ARMH3: variants seen among roughly 807,000 people sequenced by gnomAD.
ARMH3 encodes armadillo like helical domain containing 3.
In ARMH3, 60 loss-of-function variants were observed where a neutral mutation model predicts 99.1. That is an observed-to-expected ratio of 0.61 (90% CI 0.49 to 0.75). The LOEUF (loss-of-function observed/expected upper bound fraction) is 0.75, where lower values mean the gene tolerates loss of function less well. ARMH3 is among the 30% of genes least tolerant of loss of function. The pLI, the probability that ARMH3 is intolerant of heterozygous loss-of-function variation, is 0.00. For synonymous variants in ARMH3, 285 were observed against 292.8 expected (o/e 0.97, Z 0.27); for missense variants, 679 against 843.1 (o/e 0.81, Z 2.41).
At chr10:101,851,946 C>T (rs987603206) in intron 24 of ARMH3, among the ~76,000 whole-genome samples, 3 of 152,166 alleles carry the variant, frequency 2.0e-5, no homozygotes, top group Non-Finnish European at 2.9e-5. Flanking sequence ...CTCTCATGCA[C>T]GTGGGCTGCA....
chr10:101,945,477 G>C (rs1006286441), intron 22 of ARMH3, among the ~76,000 whole-genome samples: 5 of 152,024 alleles, frequency 3.3e-5, no homozygotes, highest in Non-Finnish European at 1.5e-5. Flanking sequence ...CAGCACTTTG[G>C]GAGGCTGAGG....
rs2066469760 is a variant in ARMH3, at chr10:101,846,456, A to T, written c.*1072T>A. 6.6e-6 allele frequency: 1 copy of T among 152,220 alleles called. No individual in the cohort carries two copies. Among genetic ancestry groups the T allele is most frequent in the South Asian group, 2.1e-4 (1 of 4,834 alleles). 9.4% of individuals were successfully genotyped at this position (152,220 alleles called of 1,614,324 possible). ...CAGAAAGCCTGTCAATGTTTATTTC[A>T]TACACACCCTAAAGACAGTAAAGCA... On this transcript the variant is annotated 3_prime_UTR_variant, in exon 26 of 26. Transcript: ENST00000370033.
At chr10:102,018,358 AGGCACT>A (rs2136140786) in intron 8 of ARMH3, among the ~76,000 whole-genome samples, 1 of 152,342 alleles carries the variant, frequency 6.6e-6, no homozygotes, top group African/African-American at 2.4e-5. Flanking sequence ...CATATGAATA[AGGCACT>A]GTCTTCAATT....
At chr10:101,914,703 T>C (rs1392629795) in intron 23 of ARMH3, among the ~76,000 whole-genome samples, 1 of 149,556 alleles carries the variant, frequency 6.7e-6, no homozygotes, top group Non-Finnish European at 1.5e-5. Context: ...CCGTCTCTAC[T>C]AAAAATACAA....
chr10:101,974,526 T>C (rs543205362), intron 20 of ARMH3, among the ~76,000 whole-genome samples: 20 of 152,080 alleles, frequency 1.3e-4, no homozygotes, highest in Non-Finnish European at 2.8e-4. Context: ...ACCTCCAACT[T>C]AGTCACACAA....
At chr10:101,870,229 T>C (rs1176106031) in intron 24 of ARMH3, among the ~76,000 whole-genome samples, 1 of 152,230 alleles carries the variant, frequency 6.6e-6, no homozygotes, top group African/African-American at 2.4e-5. Context: ...GAGAATTTTA[T>C]GAACGAATTA....
chr10:102,011,282 C>T (rs111932823), intron 11 of ARMH3, among the ~76,000 whole-genome samples: 1 of 152,098 alleles, frequency 6.6e-6, no homozygotes, highest in Non-Finnish European at 1.5e-5. Flanking sequence ...ACAGCCATGG[C>T]AGACAGCAAA....
At chr10:101,986,061 AACACACAC>A (rs1035847859) in intron 19 of ARMH3, among the ~76,000 whole-genome samples, 1 of 151,558 alleles carries the variant, frequency 6.6e-6, no homozygotes, top group South Asian at 2.1e-4. Context: ...CACACACACA[AACACACAC>A]ACACATATGT....
At chr10:101,854,007 G>A (rs1305792083) in intron 24 of ARMH3, among the ~76,000 whole-genome samples, 1 of 152,190 alleles carries the variant, frequency 6.6e-6, no homozygotes, top group African/African-American at 2.4e-5. Flanking sequence ...CAGCTACTCG[G>A]GAGGCTGAGG....
chr10:101,984,849 T>C (rs974920823), intron 19 of ARMH3, among the ~76,000 whole-genome samples: 22 of 151,908 alleles, frequency 1.4e-4, no homozygotes, highest in Non-Finnish European at 2.4e-4. Context: ...GGCAGGTCGA[T>C]CACGAGGTCA....
Position 101,854,738 on chromosome 10 carries a change from T to C in ARMH3, c.1861-4846A>G, listed in dbSNP as rs568429348. Reference sequence around the variant, plus strand: ...TAAGTTTTAGTTCCCAGTCAACCACTAATTAGCAAAATAAATTTATACAAG... The same window carrying C: ...TAAGTTTTAGTTCCCAGTCAACCACCAATTAGCAAAATAAATTTATACAAG... On this transcript the variant is annotated intron_variant, in intron 24 of 25. Transcript: ENST00000370033. Among the ~76,000 whole-genome samples, 242 of 152,242 alleles carry C rather than the reference T, an allele frequency of 1.6e-3. 3 individuals are homozygous for C. The highest frequency in any genetic ancestry group is 5.8e-3 in the African/African-American group (240 of 41,550).
chr10:102,006,704 C>A, intron 13 of ARMH3, 71 bp from the exon 14 acceptor site: 3 of 1,389,050 alleles, frequency 2.2e-6, no homozygotes, highest in Non-Finnish European at 3.1e-6. Context: ...TGCCTAATAC[C>A]AATAAGGACT....
intron 24 of ARMH3, among the ~76,000 whole-genome samples, chr10:101,885,254 C>T (rs1178005952): frequency 6.6e-6 from 1 of 152,134 alleles, no homozygotes; most frequent in Non-Finnish European, 1.5e-5. Context: ...TAGAATTATC[C>T]TGTGATCCAG....
intron 23 of ARMH3, among the ~76,000 whole-genome samples, chr10:101,897,230 C>T (rs1027437887): frequency 1.3e-5 from 2 of 152,168 alleles, no homozygotes; most frequent in African/African-American, 4.8e-5. Flanking sequence ...TAATTTCTAA[C>T]CAAACCTCTA....
chr10:102,036,399 G>A (rs923103114), intron 2 of ARMH3, among the ~76,000 whole-genome samples: 1 of 152,226 alleles, frequency 6.6e-6, no homozygotes, highest in Non-Finnish European at 1.5e-5. Context: ...TTAAGAACGG[G>A]CCATGATGAC....
At position 101,954,390 on chromosome 10, in the gene ARMH3, C is replaced by A. The variant is rs764882373; in HGVS notation, c.1705+2207G>T. Among the ~76,000 whole-genome samples, 19 of 152,062 alleles carry A rather than the reference C, an allele frequency of 1.2e-4. 1 individual carries two copies. The highest frequency in any genetic ancestry group is 2.5e-4 in the Non-Finnish European group (17 of 68,026). ...AAGGAACTACTGATAGATGCAATGA[C>A]AAGGATGAATTTCAAATGAAATACT... On this transcript the variant is annotated intron_variant, in intron 22 of 25. Transcript: ENST00000370033.
At chr10:102,021,018 A>G (rs1190750767) in intron 8 of ARMH3, among the ~76,000 whole-genome samples, 2 of 152,062 alleles carry the variant, frequency 1.3e-5, no homozygotes, top group Non-Finnish European at 2.9e-5. Flanking sequence ...TTCATGTTTC[A>G]TGAAGATCAA....
At position 101,964,397 on chromosome 10, in the gene ARMH3, G is replaced by T. The variant is rs138770426; in HGVS notation, c.1496-6665C>A. On this transcript the variant is annotated intron_variant, in intron 20 of 25. Transcript: ENST00000370033. ...CGCACACAATCTCAAAAAAACAAGC[G>T]ATTGCAGGAACTCAAACAAGTATTT... Among the ~76,000 whole-genome samples, 3 of 152,226 alleles carry T rather than the reference G, an allele frequency of 2.0e-5. No individual in the cohort carries two copies. The East Asian group carries it at 5.8e-4, about 29-fold the overall frequency.
intron 20 of ARMH3, 103 bp from the exon 21 acceptor site, chr10:101,957,835 G>A (rs1471611041): frequency 6.3e-6 from 9 of 1,434,230 alleles, no homozygotes; most frequent in South Asian, 1.4e-5. Context: ...AGGTTAGAGT[G>A]AGTAAGTCTC....
Sources: allele counts gnomAD v4.1 joint callset (sites outside exome capture counted in the v4.1 genomes callset), GRCh38; gene constraint gnomAD v4.1.1; transcripts MANE v1.5; gene names NCBI Gene and HGNC (gene_info 2026-07-23, HGNC 2026-07-21).